PGM2L1: variants seen among roughly 807,000 people sequenced by gnomAD.
PGM2L1 encodes the protein glucose 1,6-bisphosphate synthase.
PGM2L1 carries 35 observed loss-of-function variants against 73.4 expected under a neutral mutation model. That is an observed-to-expected ratio of 0.48 (90% CI 0.36 to 0.63). The LOEUF (loss-of-function observed/expected upper bound fraction) is 0.63. PGM2L1 is among the 30% of genes least tolerant of loss of function. The probability of loss-of-function intolerance (pLI) is 0.00; values close to 1 mark genes in which losing one functional copy is unlikely to be tolerated. For synonymous variants in PGM2L1, 225 were observed against 253.8 expected (o/e 0.89, Z 1.08); for missense variants, 570 against 742.0 (o/e 0.77, Z 2.69).
At chr11:74,353,270 T>C (rs1431421778) in intron 5 of PGM2L1, among the ~76,000 whole-genome samples, 1 of 151,740 alleles carries the variant, frequency 6.6e-6, no homozygotes, top group African/African-American at 2.4e-5. Flanking sequence ...CAACTTAATT[T>C]AGTTAATTAC....
intron 6 of PGM2L1, 139 bp from the exon 7 acceptor site, chr11:74,347,476 ACAAAT>A: frequency 1.5e-6 from 1 of 661,540 alleles, no homozygotes; most frequent in East Asian, 3.1e-5. Flanking sequence ...ATTCAAACAA[ACAAAT>A]CAAGAGTACT....
chr11:74,342,518 T>C lies in PGM2L1; in HGVS notation c.1575A>G (p.Ile525Met). 1 of 1,609,520 alleles carries C rather than the reference T, an allele frequency of 6.2e-7. No homozygotes were observed. The highest frequency in any genetic ancestry group is 1.3e-5 in the African/African-American group (1 of 74,796). ...CAGTGGTAACGTCCCGTACATGCAATATAGCAAATGTTCCACAAAATTTTG... is the reference window on the plus strand; with the variant it reads ...CAGTGGTAACGTCCCGTACATGCAACATAGCAAATGTTCCACAAAATTTTG... ...EYPKFCGTFA[I>M]LHVRDVTTGY... The change falls in exon 12 of 14, where the codon ATA becomes ATG. Residue 525 changes from isoleucine to methionine, a missense_variant. Coordinates refer to ENST00000298198, the MANE Select transcript of PGM2L1 (RefSeq NM_173582.6).
intron 1 of PGM2L1, among the ~76,000 whole-genome samples, chr11:74,393,166 T>C (rs1249658759): frequency 6.6e-6 from 1 of 152,206 alleles, no homozygotes; most frequent in Non-Finnish European, 1.5e-5. Context: ...GAATAAGGAC[T>C]AGCATTTCCC....
chr11:74,386,293 A>G (rs968283604), intron 1 of PGM2L1, among the ~76,000 whole-genome samples: 1 of 152,108 alleles, frequency 6.6e-6, no homozygotes, highest in African/African-American at 2.4e-5. Flanking sequence ...ACTTATAAGA[A>G]AAATGGAAAT....
chr11:74,398,211 G>T lies in PGM2L1; in HGVS notation c.-50C>A. ...GGGGGCCGGCGAAGACACTGAGTTG[G>T]GGTGGGGGGTGGCTTGGGGTTCGCT... On this transcript the variant is annotated 5_prime_UTR_variant, in exon 1 of 14. Transcript: ENST00000298198. 1 of 1,562,312 alleles carries T rather than the reference G, an allele frequency of 6.4e-7. No homozygotes were observed. Among genetic ancestry groups the T allele is most frequent in the East Asian group, 2.3e-5 (1 of 43,572 alleles).
chr11:74,360,442 C>T (rs1215231253), intron 5 of PGM2L1, among the ~76,000 whole-genome samples: 2 of 151,774 alleles, frequency 1.3e-5, no homozygotes, highest in Non-Finnish European at 2.9e-5. Flanking sequence ...CCAAGATGGC[C>T]GAATAGGAAC....
intron 5 of PGM2L1, among the ~76,000 whole-genome samples, chr11:74,364,332 C>T (rs1862617309): frequency 6.6e-6 from 1 of 152,176 alleles, no homozygotes; most frequent in Admixed American, 6.5e-5. Context: ...TCTCACCACT[C>T]CTATTCAACA....
In PGM2L1 at chr11:74,336,459, C is replaced by T; in HGVS notation, c.*193G>A. The T allele has an allele frequency of 5.3e-6, 2 of 376,176 alleles. No individual in the cohort carries two copies. Among genetic ancestry groups the T allele is most frequent in the Non-Finnish European group, 9.5e-6 (2 of 210,266 alleles). 23.3% of individuals were successfully genotyped at this position (376,176 alleles called of 1,614,324 possible). ...ATTATGAAAAAATTTGAATCATTTC[C>T]CTCTAGACCATTTCATTTCAAACTT... On this transcript the variant is annotated 3_prime_UTR_variant, in exon 14 of 14. Coordinates refer to ENST00000298198, the MANE Select transcript of PGM2L1 (RefSeq NM_173582.6).
In PGM2L1 at chr11:74,351,726, G is replaced by A. The variant is rs1862357244; in HGVS notation, c.556-150C>T. On this transcript the variant is annotated intron_variant, in intron 5 of 13. Transcript: ENST00000298198. Reference sequence around the variant, plus strand: ...GCCTGTAATCTCAGCACTTTGGGAGGCTGAGGCGGGCAGATCACGAGGTCA... The same window carrying A: ...GCCTGTAATCTCAGCACTTTGGGAGACTGAGGCGGGCAGATCACGAGGTCA... 5.0e-6 allele frequency: 3 copies of A among 604,816 alleles called. No homozygotes were observed. The East Asian group carries it at 9.5e-5, about 19-fold the overall frequency. The allele number at this position is 604,816 out of a possible 1,614,324, so 37.5% of individuals were successfully genotyped here. A position where few individuals can be genotyped will look rare whatever the true frequency, so the allele number is the denominator to read the frequency against.
chr11:74,347,822 C>A (rs1862292228), intron 6 of PGM2L1, among the ~76,000 whole-genome samples: 1 of 152,202 alleles, frequency 6.6e-6, no homozygotes, highest in East Asian at 1.9e-4. Flanking sequence ...AGGCTTGCAC[C>A]AAAATAGTTG....
Position 74,336,817 on chromosome 11 carries a change from TA to T in PGM2L1, c.1767-64del, listed in dbSNP as rs1179996589. On this transcript the variant is annotated intron_variant, in intron 13 of 13. Coordinates refer to ENST00000298198, the MANE Select transcript of PGM2L1 (RefSeq NM_173582.6). ...TCATAGGCTTAAAATTTATTTAAAT[TA>T]GTGTGATTTTTTAAGAGGTCCTGAT... 1.1e-5 allele frequency: 13 copies of T among 1,162,620 alleles called. No individual in the cohort carries two copies. The African/African-American group carries it at 1.9e-4, about 17-fold the overall frequency. 72.0% of individuals were successfully genotyped at this position (1,162,620 alleles called of 1,614,324 possible).
chr11:74,345,788 C>CTACTTCTT (rs1239376000), intron 8 of PGM2L1, 139 bp from the exon 9 acceptor site: 1 of 741,434 alleles, frequency 1.3e-6, no homozygotes, highest in African/African-American at 1.8e-5. Flanking sequence ...ACATTTATTA[C>CTACTTCTT]TACTTCTTTT....
intron 2 of PGM2L1, among the ~76,000 whole-genome samples, chr11:74,373,378 T>G (rs1565443041): frequency 6.6e-6 from 1 of 152,232 alleles, no homozygotes; most frequent in East Asian, 1.9e-4. Context: ...ACCCCTGCAT[T>G]AGGCCTTGGC....
chr11:74,360,514 A>G (rs568190875), intron 5 of PGM2L1, among the ~76,000 whole-genome samples: 24 of 152,126 alleles, frequency 1.6e-4, no homozygotes, highest in South Asian at 6.2e-4. Context: ...TGCATTTCCA[A>G]CTGAGGTACC....
chr11:74,335,820 C>T lies in PGM2L1; in HGVS notation c.*832G>A, dbSNP rs1452203212. ...TTCCTAAGATTTTAAAATCAGCAAA[C>T]TCACTTGATATAGAGGAAGCACCTA... is the stretch of plus-strand genomic sequence containing the variant. On this transcript the variant is annotated 3_prime_UTR_variant, in exon 14 of 14. Coordinates refer to ENST00000298198, the MANE Select transcript of PGM2L1 (RefSeq NM_173582.6). The T allele has an allele frequency of 6.6e-6, 1 of 152,580 alleles. No individual in the cohort carries two copies. The allele number at this position is 152,580 out of a possible 1,614,324, so 9.5% of individuals were successfully genotyped here. A position where few individuals can be genotyped will look rare whatever the true frequency, so the allele number is the denominator to read the frequency against.
At chr11:74,368,470 AG>A (rs778899187) in intron 5 of PGM2L1, 21 bp downstream of exon 5, 8 of 1,574,140 alleles carry the variant, frequency 5.1e-6, no homozygotes, top group Non-Finnish European at 5.2e-6. Context: ...AGATAAGCAA[AG>A]GTCAGGAGTC....
chr11:74,343,939 G>C (rs1237189799), intron 9 of PGM2L1, among the ~76,000 whole-genome samples: 1 of 151,808 alleles, frequency 6.6e-6, no homozygotes, highest in Non-Finnish European at 1.5e-5. Context: ...ACCACGCCCA[G>C]CTAATTTTTG....
intron 2 of PGM2L1, among the ~76,000 whole-genome samples, chr11:74,372,902 T>G (rs1349217789): frequency 6.6e-6 from 1 of 152,170 alleles, no homozygotes; most frequent in African/African-American, 2.4e-5. Context: ...TTCAACAACT[T>G]ATTTCTCATG....
chr11:74,388,397 G>A (rs986038341), intron 1 of PGM2L1, among the ~76,000 whole-genome samples: 1 of 151,878 alleles, frequency 6.6e-6, no homozygotes, highest in Non-Finnish European at 1.5e-5. Flanking sequence ...ATATATCTTG[G>A]AGGTCCTTTT....
Sources: gnomAD v4.1 joint callset for allele counts (sites outside exome capture counted in the v4.1 genomes callset) on GRCh38, gnomAD v4.1.1 for gene constraint, MANE v1.5 for transcripts, NCBI Gene and HGNC (gene_info 2026-07-23, HGNC 2026-07-21) for gene names.